Variants in ATP13A4 observed in about 807,000 individuals in gnomAD.
The protein encoded by ATP13A4 is probable cation-transporting ATPase 13A4.
A neutral mutation model predicts 142.5 loss-of-function variants in ATP13A4; 114 were observed. That is an observed-to-expected ratio of 0.80 (90% CI 0.69 to 0.93). ATP13A4 has a LOEUF of 0.93. Ranked by LOEUF, ATP13A4 falls within the 40% of genes least tolerant of loss-of-function variation. ATP13A4 has a pLI of 0.00. For synonymous variants in ATP13A4, 488 were observed against 514.8 expected, an observed-to-expected ratio of 0.95 and a Z score of 0.70; for missense variants, 1,392 against 1,454.0, an observed-to-expected ratio of 0.96 and a Z score of 0.69.
chr3:193,511,339 T>C (rs1328705425), intron 2 of ATP13A4, among the ~76,000 whole-genome samples: 1 of 152,114 alleles, frequency 6.6e-6, no homozygotes, highest in Non-Finnish European at 1.5e-5. Flanking sequence ...TTCCAGTATA[T>C]GTCCATTTGC....
In ATP13A4 at chr3:193,400,775, G is replaced by A. The variant is rs1240877719; in HGVS notation, c.*1877C>T. Reference sequence around the variant, plus strand: ...TGCACTTAGCAAAGGGCACATTTAAGTATGAACTGTGCAGGCTGATCTTGC... The same window carrying A: ...TGCACTTAGCAAAGGGCACATTTAAATATGAACTGTGCAGGCTGATCTTGC... On this transcript the variant is annotated 3_prime_UTR_variant, in exon 30 of 30. Coordinates refer to ENST00000342695, the MANE Select transcript of ATP13A4 (RefSeq NM_032279.4). 6.6e-6 allele frequency among the ~76,000 whole-genome samples: 1 copy of A among 152,188 alleles called. No individual in the cohort carries two copies. The highest frequency in any genetic ancestry group is 1.9e-4 in the East Asian group (1 of 5,190).
At chr3:193,450,803 T>C (rs369677247) in intron 17 of ATP13A4, among the ~76,000 whole-genome samples, 4 of 152,168 alleles carry the variant, frequency 2.6e-5, no homozygotes, top group East Asian at 3.9e-4. Context: ...CCCCGTCCCA[T>C]CTAGTGGAAG....
intron 24 of ATP13A4, among the ~76,000 whole-genome samples, chr3:193,434,776 GT>G (rs1008297089): frequency 2.6e-5 from 4 of 151,884 alleles, no homozygotes; most frequent in African/African-American, 4.8e-5. Context: ...TGATGTGCAT[GT>G]TTTTTTCTCT....
chr3:193,440,945 G>C (rs1377392751), intron 20 of ATP13A4, among the ~76,000 whole-genome samples: 2 of 152,002 alleles, frequency 1.3e-5, no homozygotes. Context: ...GAGCTTAATG[G>C]AACCTTGAAC....
rs553351387 is a variant in ATP13A4, at chr3:193,457,574, T to G, written c.1675-109A>C. The G allele has an allele frequency of 3.2e-5, 32 of 993,720 alleles. No individual in the cohort carries two copies. In the East Asian group the frequency reaches 7.9e-4, roughly 25 times the overall value. 61.6% of individuals were successfully genotyped at this position (993,720 alleles called of 1,614,324 possible). On this transcript the variant is annotated intron_variant, in intron 14 of 29. Transcript: ENST00000342695. ...AGATCCTCAGACCACCTCAATGTGT[T>G]TTCCGTGTCTCTTCCCTCAGAGGTG... is the stretch of plus-strand genomic sequence containing the variant.
chr3:193,453,766 C>T (rs1717417782), intron 17 of ATP13A4, among the ~76,000 whole-genome samples: 2 of 152,094 alleles, frequency 1.3e-5, no homozygotes, highest in South Asian at 4.2e-4. Context: ...GGGGGCATGA[C>T]CACAATTTCA....
At position 193,498,928 on chromosome 3, in the gene ATP13A4, C is replaced by T. The variant is rs201331223; in HGVS notation, c.381+3565G>A. 2.0e-5 allele frequency among the ~76,000 whole-genome samples: 3 copies of T among 152,310 alleles called. No homozygotes were observed. The East Asian group carries it at 5.8e-4, about 29-fold the overall frequency. On this transcript the variant is annotated intron_variant, in intron 3 of 29. Coordinates refer to ENST00000342695, the MANE Select transcript of ATP13A4 (RefSeq NM_032279.4). The stretch of plus-strand genomic sequence containing the variant: ...CCATATAGCTGGCACAAAATAAGTG[C>T]TCAATACATTTTTTTATTAAATAAA...
intron 2 of ATP13A4, among the ~76,000 whole-genome samples, chr3:193,575,213 C>T (rs1239525839): frequency 1.3e-5 from 2 of 152,150 alleles, no homozygotes; most frequent in Admixed American, 6.5e-5. Context: ...AAGTTTCCTT[C>T]CTGTAAAAGG....
At chr3:193,459,499 G>A (rs1398636123) in intron 13 of ATP13A4, among the ~76,000 whole-genome samples, 2 of 152,104 alleles carry the variant, frequency 1.3e-5, no homozygotes, top group African/African-American at 2.4e-5. Flanking sequence ...GGACAGTGGC[G>A]TGATCTCGAT....
At chr3:193,563,931 C>A (rs2108737963) in intron 2 of ATP13A4, among the ~76,000 whole-genome samples, 1 of 152,262 alleles carries the variant, frequency 6.6e-6, no homozygotes, top group Non-Finnish European at 1.5e-5. Flanking sequence ...AGAAAAGTTA[C>A]CTTCTAACAC....
chr3:193,407,536 A>G, intron 28 of ATP13A4, 143 bp from the exon 29 acceptor site: 1 of 551,800 alleles, frequency 1.8e-6, no homozygotes, highest in Non-Finnish European at 3.2e-6. Context: ...TCTTATATAT[A>G]TAAAAAATTT....
chr3:193,501,544 C>T (rs1280057125), intron 3 of ATP13A4, among the ~76,000 whole-genome samples: 5 of 148,966 alleles, frequency 3.4e-5, no homozygotes, highest in Admixed American at 6.7e-5. Context: ...GCCAAGACAG[C>T]GCCATTGCAC....
chr3:193,422,076 T>C (rs543859847), intron 25 of ATP13A4, among the ~76,000 whole-genome samples: 1 of 149,668 alleles, frequency 6.7e-6, no homozygotes, highest in Non-Finnish European at 1.5e-5. Flanking sequence ...GAGACACAAA[T>C]AAGCTGAAAA....
intron 18 of ATP13A4, among the ~76,000 whole-genome samples, chr3:193,446,518 T>G (rs71314499): frequency 0.078 from 11,839 of 152,208 alleles, 575 homozygotes; most frequent in Non-Finnish European, 0.11. Flanking sequence ...ATTCAGAGGA[T>G]AGAGTTGAGT....
chr3:193,582,585 A>ATG lies in ATP13A4; in HGVS notation n.92-680_92-679insCA, dbSNP rs527344414. Among the ~76,000 whole-genome samples, 289 of 124,642 alleles carry ATG rather than the reference A, an allele frequency of 2.3e-3. 3 individuals are homozygous for ATG. The highest frequency in any genetic ancestry group is 3.5e-3 in the African/African-American group (109 of 31,562). The allele number at this position is 124,642 out of a possible 152,430, so 81.8% of individuals were successfully genotyped here. ...ATATAATACATATAATATATATTAC[A>ATG]TATATTATATATGTATATTACATGT... On this transcript the variant is annotated intron_variant and non_coding_transcript_variant, in intron 1 of 3. Transcript: ENST00000489140.
At chr3:193,424,747 C>T (rs1344741084) in intron 25 of ATP13A4, among the ~76,000 whole-genome samples, 1 of 149,574 alleles carries the variant, frequency 6.7e-6, no homozygotes, top group Non-Finnish European at 1.5e-5. Flanking sequence ...AAAAATGTTT[C>T]ATGGTTTTGA....
chr3:193,578,734 C>T (rs1724465734), intron 2 of ATP13A4: 1 of 152,706 alleles, frequency 6.5e-6, no homozygotes, highest in African/African-American at 2.4e-5. Context: ...GTCTGTCTGT[C>T]TCTCTCTCTT....
chr3:193,544,094 G>A (rs1056162047), intron 1 of ATP13A4, among the ~76,000 whole-genome samples: 1 of 152,118 alleles, frequency 6.6e-6, no homozygotes, highest in Non-Finnish European at 1.5e-5. Flanking sequence ...GGCTCCAGGA[G>A]ACAGGCTCAA....
At chr3:193,430,807 C>T (rs1011227066) in intron 25 of ATP13A4, among the ~76,000 whole-genome samples, 1 of 151,756 alleles carries the variant, frequency 6.6e-6, no homozygotes, top group Non-Finnish European at 1.5e-5. Context: ...TGAATTGAGT[C>T]AAAATGGGAA....
Sources: allele counts gnomAD v4.1 joint callset (sites outside exome capture counted in the v4.1 genomes callset), GRCh38; gene constraint gnomAD v4.1.1; transcripts MANE v1.5; gene names NCBI Gene and HGNC (gene_info 2026-07-23, HGNC 2026-07-21).